Variants in DNM3 observed in about 807,000 individuals in gnomAD.
DNM3 encodes the protein dynamin 3, also known as dynamin-3.
In DNM3, 47 loss-of-function variants were observed where a neutral mutation model predicts 101.6. The observed-to-expected ratio is 0.46, with a 90% CI of 0.37 to 0.59. The LOEUF (loss-of-function observed/expected upper bound fraction) is 0.59. DNM3 is among the 20% of genes least tolerant of loss of function. The pLI is 0.00. For synonymous variants in DNM3, 385 were observed against 387.9 expected (o/e 0.99, Z 0.09); for missense variants, 849 against 1,085.7 (o/e 0.78, Z 3.06).
At chr1:171,957,257 G>A (rs1347404175) in intron 2 of DNM3, among the ~76,000 whole-genome samples, 1 of 150,574 alleles carries the variant, frequency 6.6e-6, no homozygotes, top group Admixed American at 6.6e-5. Flanking sequence ...GAGTGCAGTG[G>A]TGTGATCTCT....
chr1:172,245,915 A>T (rs937672659), intron 14 of DNM3, among the ~76,000 whole-genome samples: 3 of 152,156 alleles, frequency 2.0e-5, no homozygotes, highest in Middle Eastern at 3.2e-3. Context: ...TAAGAAGAAA[A>T]AAGGTTTAAT....
intron 4 of DNM3, among the ~76,000 whole-genome samples, chr1:171,991,544 A>G (rs1358016216): frequency 6.6e-6 from 1 of 152,158 alleles, no homozygotes; most frequent in Non-Finnish European, 1.5e-5. Context: ...CGGGCACACC[A>G]TCCTCTAGAA....
At chr1:171,845,663 A>C (rs2031964652) in intron 1 of DNM3, among the ~76,000 whole-genome samples, 1 of 152,270 alleles carries the variant, frequency 6.6e-6, no homozygotes, top group African/African-American at 2.4e-5. Flanking sequence ...CCCCTTAGGC[A>C]GAAGCAACAT....
intron 15 of DNM3, among the ~76,000 whole-genome samples, chr1:172,283,118 A>G (rs930141174): frequency 5.1e-4 from 78 of 152,096 alleles, no homozygotes; most frequent in African/African-American, 1.9e-3. Flanking sequence ...CTTGTGCCAC[A>G]TTGTCAGTTT....
rs755777000 is a variant in DNM3, at chr1:172,025,098, C to T, written c.590-7304C>T. On this transcript the variant is annotated intron_variant, in intron 4 of 20. Transcript: ENST00000627582. ...ACAGCAGTCTGAAGTTGACCTGGGA[C>T]GCTTGAGCTTTGTTTGGGGAGGGGC... is the stretch of plus-strand genomic sequence containing the variant. Among the ~76,000 whole-genome samples, 202 of 152,174 alleles carry T rather than the reference C, an allele frequency of 1.3e-3. 1 individual carries two copies. Among genetic ancestry groups the T allele is most frequent in the African/African-American group, 3.0e-3 (124 of 41,438 alleles).
rs1418300921 is a variant in DNM3 at position 171,901,126 on chromosome 1, AAAAAAG to A, written c.162-20618_162-20613del. 2.6e-4 allele frequency among the ~76,000 whole-genome samples: 39 copies of A among 149,408 alleles called. 2 individuals are homozygous for A. Among genetic ancestry groups the A allele is most frequent in the Middle Eastern group, 3.5e-3 (1 of 288 alleles). ...AGACTCTGTCTCAAAAAAAAAAAAA[AAAAAAG>A]AAAGAAATCTATGAAGTTCAGCACC... On this transcript the variant is annotated intron_variant, in intron 1 of 20. Transcript: ENST00000627582.
At chr1:172,323,216 T>TCAC in intron 16 of DNM3, 113 bp from the exon 17 acceptor site, 1 of 1,102,336 alleles carries the variant, frequency 9.1e-7, no homozygotes, top group Non-Finnish European at 1.2e-6. Flanking sequence ...AAGAAAAACC[T>TCAC]CATTTTATTT....
At chr1:172,378,494 T>A (rs1173605127) in intron 17 of DNM3, among the ~76,000 whole-genome samples, 3 of 137,084 alleles carry the variant, frequency 2.2e-5, no homozygotes, top group Non-Finnish European at 4.7e-5. Context: ...ATAAATTATC[T>A]TCTATATCTC....
chr1:172,085,478 C>A (rs1347421095), intron 12 of DNM3, among the ~76,000 whole-genome samples: 1 of 152,024 alleles, frequency 6.6e-6, no homozygotes, highest in Non-Finnish European at 1.5e-5. Context: ...TTCTGAGTTA[C>A]TAGGATTTAT....
chr1:172,306,325 T>C (rs1029476736), intron 15 of DNM3, among the ~76,000 whole-genome samples: 3 of 152,188 alleles, frequency 2.0e-5, no homozygotes, highest in East Asian at 3.9e-4. Context: ...TTACAAGGCA[T>C]GTGAAGCACC....
In DNM3 at chr1:172,166,922, C is replaced by CT. The variant is rs4028243; in HGVS notation, c.1659+35646dup. ...TATATAAATGGCAAAGCATTGCATT[C>CT]TTTTTTTTTTTTAATACTTTAAGTT... On this transcript the variant is annotated intron_variant, in intron 14 of 20. Coordinates refer to ENST00000627582, the MANE Select transcript of DNM3 (RefSeq NM_015569.5). Among the ~76,000 whole-genome samples, 362 of 145,088 alleles carry CT rather than the reference C, an allele frequency of 2.5e-3. 1 individual carries two copies. Among genetic ancestry groups the CT allele is most frequent in the Middle Eastern group, 3.6e-3 (1 of 274 alleles).
At chr1:171,941,493 T>C (rs540368311) in intron 2 of DNM3, among the ~76,000 whole-genome samples, 2 of 152,292 alleles carry the variant, frequency 1.3e-5, no homozygotes, top group African/African-American at 4.8e-5. Flanking sequence ...GAGGTGAATG[T>C]TTAGAAGTCA....
chr1:171,882,071 G>A (rs2036309122), intron 1 of DNM3, among the ~76,000 whole-genome samples: 1 of 152,058 alleles, frequency 6.6e-6, no homozygotes, highest in Non-Finnish European at 1.5e-5. Flanking sequence ...TTGTGGCCGG[G>A]CATGGTGGCT....
chr1:172,241,239 A>ATGTGTGTGTG (rs1262155821), intron 14 of DNM3, among the ~76,000 whole-genome samples: 1,500 of 148,408 alleles, frequency 0.01, 7 homozygotes, highest in Middle Eastern at 0.024. Flanking sequence ...ATATACATAG[A>ATGTGTGTGTG]TGTGTGTGTG....
intron 1 of DNM3, among the ~76,000 whole-genome samples, chr1:171,904,990 C>T (rs775631664): frequency 3.9e-5 from 6 of 152,164 alleles, no homozygotes; most frequent in Non-Finnish European, 7.3e-5. Context: ...GAGGTCCTTA[C>T]ACCACTCAAG....
At chr1:172,116,785 G>A (rs557069943) in intron 13 of DNM3, among the ~76,000 whole-genome samples, 11 of 152,144 alleles carry the variant, frequency 7.2e-5, no homozygotes, top group Non-Finnish European at 1.2e-4. Flanking sequence ...AGAGAAGACC[G>A]TATGGTATTG....
intron 14 of DNM3, among the ~76,000 whole-genome samples, chr1:172,221,086 T>C (rs1021407107): frequency 2.6e-5 from 4 of 152,114 alleles, no homozygotes; most frequent in African/African-American, 9.7e-5. Context: ...TCATTTTTTC[T>C]CCTTATAGGG....
chr1:172,303,675 G>A (rs1019170988), intron 15 of DNM3, among the ~76,000 whole-genome samples: 1 of 152,174 alleles, frequency 6.6e-6, no homozygotes, highest in African/African-American at 2.4e-5. Flanking sequence ...ACTAACAGCG[G>A]ATCTCTCAGC....
At chr1:172,063,727 C>T (rs1310200924) in intron 10 of DNM3, among the ~76,000 whole-genome samples, 1 of 141,812 alleles carries the variant, frequency 7.1e-6, no homozygotes, top group Admixed American at 7.4e-5. Flanking sequence ...TGCAGTGAGC[C>T]AAGATGTACC....
Sources: gnomAD v4.1 joint callset for allele counts (sites outside exome capture counted in the v4.1 genomes callset) on GRCh38, gnomAD v4.1.1 for gene constraint, MANE v1.5 for transcripts, NCBI Gene and HGNC (gene_info 2026-07-23, HGNC 2026-07-21) for gene names.